The following MEF2C variants were observed in gnomAD, a reference collection of about 807,000 sequenced individuals.
MEF2C encodes myocyte enhancer factor 2C.
Under a neutral mutation model 50.5 loss-of-function variants are expected in MEF2C, and 6 were observed. The ratio of observed to expected loss-of-function variants is 0.12; its 90% confidence interval spans 0.07 to 0.23. The LOEUF (loss-of-function observed/expected upper bound fraction) is 0.23, where lower values mean the gene tolerates loss of function less well. MEF2C is among the 10% of genes least tolerant of loss of function. The pLI is 1.00. For missense variants in MEF2C, 276 were observed against 605.0 expected, an observed-to-expected ratio of 0.46 and a Z score of 5.70; for synonymous variants, 183 against 228.0, an observed-to-expected ratio of 0.80 and a Z score of 1.78.
rs186271845 is a variant in MEF2C, at chr5:88,888,505, G to T, written c.-239-907C>A. On this transcript the variant is annotated intron_variant, in intron 1 of 11. Coordinates refer to the MEF2C transcript ENST00000340208. ...TTTTGGCCAGTTTTACTTTATGGGT[G>T]TTAGTTGAGTTTAGGTTTTTAGGCT... Among the ~76,000 whole-genome samples the T allele has an allele frequency of 7.9e-5, 12 of 152,318 alleles. No homozygotes were observed. In the East Asian group the frequency reaches 2.3e-3, roughly 29 times the overall value.
intron 1 of MEF2C, among the ~76,000 whole-genome samples, chr5:88,855,100 GAAGAA>G (rs1290897508): frequency 6.6e-6 from 1 of 152,174 alleles, no homozygotes; most frequent in Non-Finnish European, 1.5e-5. Flanking sequence ...GAAGAATCCT[GAAGAA>G]GAGACACAAA....
At chr5:88,858,680 G>A (rs1360570151) in intron 1 of MEF2C, among the ~76,000 whole-genome samples, 6 of 152,128 alleles carry the variant, frequency 3.9e-5, no homozygotes, top group Admixed American at 3.9e-4. Context: ...GGATCAGTTA[G>A]TTACTCCTTG....
chr5:88,873,909 A>G lies in MEF2C; in HGVS notation c.-143+9046T>C, dbSNP rs1435124453. Among the ~76,000 whole-genome samples, 3 of 152,018 alleles carry G rather than the reference A, an allele frequency of 2.0e-5. No homozygotes were observed. In the East Asian group the frequency reaches 5.8e-4, roughly 29 times the overall value. ...CAAATTTGTTAGATTTCATTTAGTTAAGAAAAATCATCCAGAATAAATTAG... is the reference window on the plus strand; with the variant it reads ...CAAATTTGTTAGATTTCATTTAGTTGAGAAAAATCATCCAGAATAAATTAG... On this transcript the variant is annotated intron_variant, in intron 1 of 10. Coordinates refer to ENST00000504921, the MANE Select transcript of MEF2C (RefSeq NM_002397.5).
Position 88,722,542 on chromosome 5 carries a change from T to C in MEF2C, c.*62A>G. 7.1e-7 allele frequency: 1 copy of C among 1,417,746 alleles called. No homozygotes were observed. The highest frequency in any genetic ancestry group is 9.6e-7 in the Non-Finnish European group (1 of 1,038,610). 87.8% of individuals were successfully genotyped at this position (1,417,746 alleles called of 1,614,324 possible). On this transcript the variant is annotated 3_prime_UTR_variant, in exon 11 of 11. Transcript: ENST00000504921. Reference sequence around the variant, plus strand: ...AATGCATATCGACCCCCCTTCCCCATTAAGGTATAGCACACACACACACTG... The same window carrying C: ...AATGCATATCGACCCCCCTTCCCCACTAAGGTATAGCACACACACACACTG...
chr5:88,747,333 C>CTTTTTTTTTTTTTTTTTTTTTTT lies in MEF2C; in HGVS notation c.637+1714_637+1736dup, dbSNP rs950842424. Among the ~76,000 whole-genome samples, 3 of 21,744 alleles carry CTTTTTTTTTTTTTTTTTTTTTTT rather than the reference C, an allele frequency of 1.4e-4. 1 individual carries two copies. The highest frequency in any genetic ancestry group is 1.1e-4 in the Non-Finnish European group (1 of 8,926). The allele number at this position is 21,744 out of a possible 152,430, so 14.3% of individuals were successfully genotyped here. A position where few individuals can be genotyped will look rare whatever the true frequency, so the allele number is the denominator to read the frequency against. On this transcript the variant is annotated intron_variant, in intron 6 of 10. Coordinates refer to ENST00000504921, the MANE Select transcript of MEF2C (RefSeq NM_002397.5). ...CTCCACATTTTTTTTTTTTTTACTA[C>CTTTTTTTTTTTTTTTTTTTTTTT]TTTTTTTTTTTTTTTTTTTTTTTTT...
chr5:88,737,970 G>A (rs1764814137), intron 6 of MEF2C: 21 of 985,366 alleles, frequency 2.1e-5, no homozygotes, highest in Non-Finnish European at 2.5e-5. Flanking sequence ...ACAAAAGGGG[G>A]TTGGACTGCT....
chr5:88,755,872 T>C (rs1010995116), intron 4 of MEF2C, among the ~76,000 whole-genome samples: 1 of 152,232 alleles, frequency 6.6e-6, no homozygotes, highest in Non-Finnish European at 1.5e-5. Flanking sequence ...AATTATGTAA[T>C]GAGTTCAGAA....
chr5:88,871,465 T>A (rs1829504706), intron 1 of MEF2C, among the ~76,000 whole-genome samples: 1 of 152,020 alleles, frequency 6.6e-6, no homozygotes, highest in Non-Finnish European at 1.5e-5. Flanking sequence ...TTCCTTGTGC[T>A]GAGCACTCTT....
intron 6 of MEF2C, chr5:88,737,844 C>T: frequency 1.0e-6 from 1 of 985,288 alleles, no homozygotes; most frequent in Non-Finnish European, 1.2e-6. Context: ...AGGCTTTATA[C>T]TAAGCTTTTA....
At chr5:88,758,319 C>G (rs1776292516) in intron 4 of MEF2C, among the ~76,000 whole-genome samples, 1 of 152,128 alleles carries the variant, frequency 6.6e-6, no homozygotes, top group South Asian at 2.1e-4. Context: ...CCTTTCCTAA[C>G]TTCTGCTGGT....
At chr5:88,743,687 G>C (rs1767965547) in intron 6 of MEF2C, 4 of 985,266 alleles carry the variant, frequency 4.1e-6, no homozygotes, top group Non-Finnish European at 3.6e-6. Context: ...AGTCTTTCCA[G>C]AGTCTGGAAA....
intron 3 of MEF2C, among the ~76,000 whole-genome samples, chr5:88,792,997 T>C (rs1794471383): frequency 6.6e-6 from 1 of 152,182 alleles, no homozygotes; most frequent in African/African-American, 2.4e-5. Flanking sequence ...CTAGACCTCA[T>C]GTTAAGCACT....
intron 6 of MEF2C, chr5:88,734,565 G>GTTTTTTTTTTGTTT (rs1763145414): frequency 2.2e-6 from 1 of 460,474 alleles, no homozygotes; most frequent in African/African-American, 5.1e-5. Flanking sequence ...AGAAAAGTTT[G>GTTTTTTTTTTGTTT]TTTTTTTTTT....
intron 3 of MEF2C, among the ~76,000 whole-genome samples, chr5:88,788,367 ATT>A (rs1159271041): frequency 1.4e-5 from 2 of 142,786 alleles, no homozygotes; most frequent in Non-Finnish European, 1.5e-5. Flanking sequence ...CGCCTGGCTA[ATT>A]TTTTTTTTTT....
At chr5:88,870,354 G>A (rs905669039) in intron 1 of MEF2C, among the ~76,000 whole-genome samples, 1 of 151,948 alleles carries the variant, frequency 6.6e-6, no homozygotes, top group Non-Finnish European at 1.5e-5. Flanking sequence ...CTAGGGCAAT[G>A]CATATATTCT....
In MEF2C at chr5:88,839,415, G is replaced by A. The variant is rs542203630; in HGVS notation, c.-142-15485C>T. ...TGACTTCAATTTCAGATGCTAGGCA[G>A]TTGATGGTGCAAAGCGAATGCTCAA... On this transcript the variant is annotated intron_variant, in intron 1 of 10. Coordinates refer to ENST00000504921, the MANE Select transcript of MEF2C (RefSeq NM_002397.5). 6 of 151,842 alleles carry A rather than the reference G, an allele frequency of 4.0e-5. No individual in the cohort carries two copies. In the South Asian group the frequency reaches 1.2e-3, roughly 32 times the overall value. The allele number at this position is 151,842 out of a possible 1,614,324, so 9.4% of individuals were successfully genotyped here.
chr5:88,784,171 T>C (rs1420768500), intron 3 of MEF2C, among the ~76,000 whole-genome samples: 1 of 152,220 alleles, frequency 6.6e-6, no homozygotes. Flanking sequence ...AGAATAAGCA[T>C]ACTTTCTTTT....
At chr5:88,883,905 C>G (rs1019357586), upstream of MEF2C, among the ~76,000 whole-genome samples, 1 of 152,242 alleles carries the variant, frequency 6.6e-6, no homozygotes, top group Admixed American at 6.5e-5. Flanking sequence ...AATCACTGAA[C>G]ATCAGTACCT....
At chr5:88,767,018 T>C (rs1352407675) in intron 3 of MEF2C, among the ~76,000 whole-genome samples, 1 of 152,212 alleles carries the variant, frequency 6.6e-6, no homozygotes, top group African/African-American at 2.4e-5. Flanking sequence ...TGCCTATAAA[T>C]TGAGTTTCTA....
Sources: allele counts gnomAD v4.1 joint callset (sites outside exome capture counted in the v4.1 genomes callset), GRCh38; gene constraint gnomAD v4.1.1; transcripts MANE v1.5; gene names NCBI Gene and HGNC (gene_info 2026-07-23, HGNC 2026-07-21).